CWF19L2: variants seen among roughly 807,000 people sequenced by gnomAD.
The protein encoded by CWF19L2 is CWF19 like cell cycle control factor 2.
A neutral mutation model predicts 111.7 loss-of-function variants in CWF19L2; 98 were observed. The ratio of observed to expected loss-of-function variants is 0.88; its 90% CI spans 0.75 to 1.04. The LOEUF (loss-of-function observed/expected upper bound fraction) is 1.04, where lower values mean the gene tolerates loss of function less well. CWF19L2 is among the 50% of genes least tolerant of loss of function. The pLI is 0.00. For synonymous variants in CWF19L2, 351 were observed against 342.9 expected, an observed-to-expected ratio of 1.02 and a Z score of -0.26; for missense variants, 1,101 against 1,051.4, an observed-to-expected ratio of 1.05 and a Z score of -0.65.
chr11:107,415,110 C>T (rs1215119084), intron 10 of CWF19L2, among the ~76,000 whole-genome samples: 3 of 152,144 alleles, frequency 2.0e-5, no homozygotes, highest in African/African-American at 7.2e-5. Context: ...GTCTCTCTAA[C>T]CTGTATCTCC....
intron 7 of CWF19L2, among the ~76,000 whole-genome samples, chr11:107,433,361 C>G (rs574353552): frequency 4.6e-5 from 7 of 152,044 alleles, no homozygotes; most frequent in Non-Finnish European, 8.8e-5. Flanking sequence ...ACCATGCAGA[C>G]TTTCCGGCAT....
At position 107,454,575 on chromosome 11, in the gene CWF19L2, A is replaced by G; in HGVS notation, c.217-3T>C. ...TTCTTTTTCTTCACAGAGTGTTCCT[A>G]CAATCATTTTGAACAGGCAAGAAAA... On this transcript the variant is annotated splice_region_variant and splice_polypyrimidine_tract_variant and intron_variant, in intron 2 of 17. Coordinates refer to ENST00000282251, the MANE Select transcript of CWF19L2 (RefSeq NM_152434.3). The G allele has an allele frequency of 7.2e-7, 1 of 1,384,776 alleles. No homozygotes were observed. The highest frequency in any genetic ancestry group is 9.3e-7 in the Non-Finnish European group (1 of 1,070,948). 85.8% of individuals were successfully genotyped at this position (1,384,776 alleles called of 1,614,324 possible).
chr11:107,332,023 C>T (rs1336787538), intron 16 of CWF19L2, among the ~76,000 whole-genome samples: 1 of 152,134 alleles, frequency 6.6e-6, no homozygotes, highest in Admixed American at 6.5e-5. Context: ...TAAAGCAAAA[C>T]TTTTTATTTA....
chr11:107,410,213 C>A (rs1481831662), intron 10 of CWF19L2, among the ~76,000 whole-genome samples: 1 of 151,972 alleles, frequency 6.6e-6, no homozygotes, highest in Non-Finnish European at 1.5e-5. Context: ...AGAAGTATTC[C>A]ATGATTTTCC....
At chr11:107,343,605 T>A in intron 14 of CWF19L2, among the ~76,000 whole-genome samples, 1 of 152,140 alleles carries the variant, frequency 6.6e-6, no homozygotes, top group South Asian at 2.1e-4. Flanking sequence ...TATTTTTATT[T>A]TTTTTGTTTT....
intron 10 of CWF19L2, among the ~76,000 whole-genome samples, chr11:107,396,240 A>T (rs966303499): frequency 1.3e-5 from 2 of 152,354 alleles, no homozygotes; most frequent in African/African-American, 4.8e-5. Flanking sequence ...TTCTTGATAT[A>T]ACTAAAAAGC....
At chr11:107,412,285 C>G (rs1861167249) in intron 10 of CWF19L2, among the ~76,000 whole-genome samples, 1 of 152,198 alleles carries the variant, frequency 6.6e-6, no homozygotes, top group Non-Finnish European at 1.5e-5. Flanking sequence ...GACAAACATA[C>G]TCTTACCACA....
At chr11:107,446,181 T>C (rs886764703) in intron 3 of CWF19L2, among the ~76,000 whole-genome samples, 1 of 152,254 alleles carries the variant, frequency 6.6e-6, no homozygotes, top group Admixed American at 6.5e-5. Context: ...AATTAGATGA[T>C]ACATTCCCTA....
At chr11:107,386,782 G>A (rs1383812475) in intron 12 of CWF19L2, among the ~76,000 whole-genome samples, 4 of 152,204 alleles carry the variant, frequency 2.6e-5, no homozygotes, top group South Asian at 2.1e-4. Context: ...AGGGCTAGGC[G>A]CAGTGGCTCA....
intron 8 of CWF19L2, among the ~76,000 whole-genome samples, chr11:107,427,227 T>TTTTTTC (rs376688185): frequency 6.6e-6 from 1 of 151,128 alleles, no homozygotes; most frequent in African/African-American, 2.4e-5. Flanking sequence ...TCAGGAATCT[T>TTTTTTC]TTTTTTTGGA....
At chr11:107,418,137 T>G in intron 9 of CWF19L2, 57 bp downstream of exon 9, 2 of 1,052,396 alleles carry the variant, frequency 1.9e-6, no homozygotes, top group Non-Finnish European at 3.0e-6. Flanking sequence ...CTAAAATTAC[T>G]CATAAGAAGT....
intron 10 of CWF19L2, among the ~76,000 whole-genome samples, chr11:107,401,213 CA>C (rs1183049356): frequency 1.3e-5 from 2 of 152,100 alleles, no homozygotes; most frequent in Non-Finnish European, 2.9e-5. Context: ...AAGCCCTAGC[CA>C]GAGCAATCAG....
intron 12 of CWF19L2, among the ~76,000 whole-genome samples, chr11:107,361,222 G>A (rs528030875): frequency 8.5e-5 from 13 of 152,214 alleles, no homozygotes; most frequent in South Asian, 4.2e-4. Flanking sequence ...TCTTTTCCCC[G>A]GTGTATGTTC....
At chr11:107,349,959 A>G (rs539203531) in intron 13 of CWF19L2, among the ~76,000 whole-genome samples, 1 of 152,202 alleles carries the variant, frequency 6.6e-6, no homozygotes, top group Admixed American at 6.5e-5. Context: ...TTTCTACATA[A>G]TCACTGAGAT....
At chr11:107,389,818 T>C (rs1190062602) in intron 12 of CWF19L2, among the ~76,000 whole-genome samples, 3 of 152,160 alleles carry the variant, frequency 2.0e-5, no homozygotes, top group Non-Finnish European at 4.4e-5. Flanking sequence ...GTAGAGGAAA[T>C]GTATAATTAA....
rs1454681752 is a variant in CWF19L2, at chr11:107,367,446, G to A, written c.1873-13710C>T. On this transcript the variant is annotated intron_variant, in intron 12 of 17. Coordinates refer to ENST00000282251, the MANE Select transcript of CWF19L2 (RefSeq NM_152434.3). ...CCAACCCAAATGTCCAACAATGATAGACTGGATTAAGAAAATGTGGCACAT... is the reference window on the plus strand; with the variant it reads ...CCAACCCAAATGTCCAACAATGATAAACTGGATTAAGAAAATGTGGCACAT... 2.3e-5 allele frequency among the ~76,000 whole-genome samples: 3 copies of A among 128,024 alleles called. 1 individual carries two copies. The highest frequency in any genetic ancestry group is 9.6e-5 in the African/African-American group (3 of 31,400). 84.0% of individuals were successfully genotyped at this position (128,024 alleles called of 152,430 possible).
At chr11:107,455,112 C>T (rs2135432955) in intron 2 of CWF19L2, among the ~76,000 whole-genome samples, 1 of 151,998 alleles carries the variant, frequency 6.6e-6, no homozygotes, top group South Asian at 2.1e-4. Flanking sequence ...TACTGATGAC[C>T]ACATTTAATA....
At chr11:107,355,098 TG>T (rs1408928937) in intron 12 of CWF19L2, among the ~76,000 whole-genome samples, 1 of 152,062 alleles carries the variant, frequency 6.6e-6, no homozygotes, top group Non-Finnish European at 1.5e-5. Context: ...CTTAGTGTAA[TG>T]GAAGTATTAA....
Position 107,327,826 on chromosome 11 carries a change from C to T in CWF19L2, c.2542-773G>A, listed in dbSNP as rs190043204. 3.9e-5 allele frequency among the ~76,000 whole-genome samples: 6 copies of T among 152,150 alleles called. No individual in the cohort carries two copies. In the East Asian group the frequency reaches 1.2e-3, roughly 29 times the overall value. ...ACAAAGCAAAAAACAAAAAACAAAA[C>T]AACAACAACAAAAAACAGACTAAGG... On this transcript the variant is annotated intron_variant, in intron 17 of 17. Transcript: ENST00000282251.
Sources: allele counts gnomAD v4.1 joint callset (sites outside exome capture counted in the v4.1 genomes callset), GRCh38; gene constraint gnomAD v4.1.1; transcripts MANE v1.5; gene names NCBI Gene and HGNC (gene_info 2026-07-23, HGNC 2026-07-21).